The following KCNQ2 variants were observed in gnomAD, a reference collection of about 807,000 sequenced individuals.
KCNQ2 encodes the protein potassium voltage-gated channel subfamily Q member 2.
Under a neutral mutation model 84.8 loss-of-function variants are expected in KCNQ2, and 14 were observed. The observed-to-expected ratio is 0.17, with a 90% CI of 0.11 to 0.26. KCNQ2 has a LOEUF of 0.26. Among genes scored for constraint, KCNQ2 ranks in the 10% least tolerant of loss-of-function variants. The pLI is 1.00. For missense variants in KCNQ2, 788 were observed against 1,254.0 expected, an observed-to-expected ratio of 0.63 and a Z score of 5.61; for synonymous variants, 599 against 554.1, an observed-to-expected ratio of 1.08 and a Z score of -1.14.
chr20:63,407,066 C>A lies in KCNQ2; in HGVS notation c.2197G>T (p.Val733Leu). The A allele has an allele frequency of 6.6e-7, 1 of 1,524,170 alleles. No homozygotes were observed. Among genetic ancestry groups the A allele is most frequent in the Non-Finnish European group, 8.8e-7 (1 of 1,137,634 alleles). 94.4% of individuals were successfully genotyped at this position (1,524,170 alleles called of 1,614,324 possible). ...HPRQGHGTSP[V>L]GDHGSLVRIP... The stretch of plus-strand genomic sequence containing the variant: ...CGCACCAGGGAGCCGTGGTCCCCCA[C>A]GGGGGAGGTGCCGTGGCCCTGGCGC... The change falls in exon 17 of 17, where the codon GTG becomes TTG. Residue 733 changes from valine (V) to leucine (L), a missense_variant. Physicochemically the swap from Val to Leu is conservative, Grantham distance 32 (BLOSUM62 1). Coordinates refer to ENST00000359125, the MANE Select transcript of KCNQ2 (RefSeq NM_172107.4). This position sits in a 1 kb window ranked among gnomAD's most constrained non-coding sequence, Gnocchi z 7.2.
intron 5 of KCNQ2, among the ~76,000 whole-genome samples, chr20:63,440,095 G>A (rs963350381): frequency 2.6e-5 from 4 of 152,216 alleles, no homozygotes; most frequent in African/African-American, 9.6e-5. Context: ...AGGGCGTGCA[G>A]GGGGCTCGCT....
intron 4 of KCNQ2, among the ~76,000 whole-genome samples, chr20:63,443,153 CCGG>C (rs1411834769): frequency 0.015 from 1,279 of 87,012 alleles, 44 homozygotes; most frequent in Admixed American, 0.021. Context: ...ACCACCATCA[CCGG>C]CGCCACCACC....
At chr20:63,453,875 G>A (rs763366307) in intron 1 of KCNQ2, among the ~76,000 whole-genome samples, 6 of 152,028 alleles carry the variant, frequency 3.9e-5, no homozygotes, top group Admixed American at 1.3e-4. Flanking sequence ...AGAACAGGGC[G>A]GGGTGGGGAC....
At chr20:63,453,755 G>C (rs532048772) in intron 1 of KCNQ2, 3 of 152,412 alleles carry the variant, frequency 2.0e-5, no homozygotes, top group Admixed American at 1.3e-4. Flanking sequence ...TTGGCCACAG[G>C]GGGAGAAGGG....
intron 8 of KCNQ2, 47 bp downstream of exon 8, chr20:63,433,762 A>G (rs1469195550): frequency 6.2e-7 from 1 of 1,613,520 alleles, no homozygotes; most frequent in Non-Finnish European, 8.5e-7. Flanking sequence ...CAAATGGAAA[A>G]TAAAAAATGA....
In KCNQ2 at chr20:63,428,524, C is replaced by T. The variant is rs886343888; in HGVS notation, c.1149-89G>A. On this transcript the variant is annotated intron_variant, in intron 9 of 16. Transcript: ENST00000359125. Reference sequence around the variant, plus strand: ...CTGCTTGCACAGCTCCATGGGCAGGCGCCTGCAGTGTCAGACACCCGGCGG... The same window carrying T: ...CTGCTTGCACAGCTCCATGGGCAGGTGCCTGCAGTGTCAGACACCCGGCGG... The T allele has an allele frequency of 2.0e-5, 23 of 1,152,272 alleles. No homozygotes were observed. The African/African-American group carries it at 2.3e-4, about 12-fold the overall frequency. 71.4% of individuals were successfully genotyped at this position (1,152,272 alleles called of 1,614,324 possible).
In KCNQ2 at chr20:63,472,617, A is replaced by C. The variant is rs2082246154; in HGVS notation, c.-154T>G. On this transcript the variant is annotated 5_prime_UTR_variant, in exon 1 of 17. Transcript: ENST00000359125. ...TGCCGGGCTTGGGCCGCGCGCGGAG[A>C]CGCTGCGGCCACCTCGCTCCGCGCG... 1 of 454,466 alleles carries C rather than the reference A, an allele frequency of 2.2e-6. No homozygotes were observed. The highest frequency in any genetic ancestry group is 3.0e-6 in the Non-Finnish European group (1 of 336,564). The allele number at this position is 454,466 out of a possible 1,614,324, so 28.2% of individuals were successfully genotyped here.
At position 63,415,038 on chromosome 20, in the gene KCNQ2, T is replaced by A. The variant is rs2145556609; in HGVS notation, c.1390A>T (p.Arg464Trp). 6.2e-7 allele frequency: 1 copy of A among 1,609,248 alleles called. No individual in the cohort carries two copies. The highest frequency in any genetic ancestry group is 8.5e-7 in the Non-Finnish European group (1 of 1,179,896). ...CTCTGGTCGGCGCTGGGTGACCGCCTCACAGTCTGGGCCTGCGGGGACCCC... is the reference window on the plus strand; with the variant it reads ...CTCTGGTCGGCGCTGGGTGACCGCCACACAGTCTGGGCCTGCGGGGACCCC... Reference protein sequence around the residue: ...GKGSPQAQTVRRSPSADQSLE... With the variant: ...GKGSPQAQTVWRSPSADQSLE... The change falls in exon 13 of 17, where the codon AGG becomes TGG. Residue 464 changes from arginine to tryptophan, a missense_variant. Physicochemically the swap from Arg to Trp is moderately radical, Grantham distance 101 (BLOSUM62 -3). Transcript: ENST00000359125.
chr20:63,472,424 G>T lies in KCNQ2; in HGVS notation c.40C>A (p.Pro14Thr). 1 of 1,537,520 alleles carries T rather than the reference G, an allele frequency of 6.5e-7. No individual in the cohort carries two copies. The highest frequency in any genetic ancestry group is 2.1e-4 in the Middle Eastern group (1 of 4,860). The change falls in exon 1 of 17, where the codon CCG becomes ACG. Residue 14 changes from proline to threonine, a missense_variant. Physicochemically the swap from Pro to Thr is conservative, Grantham distance 38. This residue lies in a region of KCNQ2 where 41 missense variants were observed against 41.2 expected (regional missense o/e 0.99). Transcript: ENST00000359125. Reference sequence around the variant, plus strand: ...ACCTTCAGCTTCTTCTCCCCGCTCGGGCCGGGGTATACGCCGCCGTTGCGC... The same window carrying T: ...ACCTTCAGCTTCTTCTCCCCGCTCGTGCCGGGGTATACGCCGCCGTTGCGC... ...KSRNGGVYPG[P>T]SGEKKLKVGF...
At chr20:63,454,586 G>A (rs770351027) in intron 1 of KCNQ2, among the ~76,000 whole-genome samples, 3 of 152,248 alleles carry the variant, frequency 2.0e-5, no homozygotes, top group Non-Finnish European at 2.9e-5. Flanking sequence ...CCGGTCGGCC[G>A]AACCGTGGGG....
intron 11 of KCNQ2, among the ~76,000 whole-genome samples, chr20:63,420,901 T>C (rs4809554): frequency 0.55 from 83,417 of 151,982 alleles, 23,040 homozygotes; most frequent in East Asian, 0.59. Flanking sequence ...AACGCGACGG[T>C]GGGACGAGGC....
chr20:63,441,738 G>T (rs1002627462), intron 5 of KCNQ2, among the ~76,000 whole-genome samples: 1 of 152,204 alleles, frequency 6.6e-6, no homozygotes, highest in African/African-American at 2.4e-5. Context: ...CCCAAGCCCC[G>T]ACTGGGAAGA....
At chr20:63,452,949 T>C (rs2081658221) in intron 1 of KCNQ2, among the ~76,000 whole-genome samples, 1 of 152,026 alleles carries the variant, frequency 6.6e-6, no homozygotes, top group South Asian at 2.1e-4. Flanking sequence ...GGAAGAATAG[T>C]CCCTGCAGGC....
intron 9 of KCNQ2, among the ~76,000 whole-genome samples, chr20:63,429,435 C>T (rs1257908922): frequency 6.6e-6 from 1 of 152,116 alleles, no homozygotes; most frequent in African/African-American, 2.4e-5. Flanking sequence ...GGAGGCAGGA[C>T]GGCCACCTCC....
At position 63,405,416 on chromosome 20, in the gene KCNQ2, G is replaced by A. The variant is rs556131184; in HGVS notation, c.*1228C>T. 6 of 152,504 alleles carry A rather than the reference G, an allele frequency of 3.9e-5. No individual in the cohort carries two copies. The highest frequency in any genetic ancestry group is 7.2e-5 in the African/African-American group (3 of 41,586). 9.4% of individuals were successfully genotyped at this position (152,504 alleles called of 1,614,324 possible). A position where few individuals can be genotyped will look rare whatever the true frequency, so the allele number is the denominator to read the frequency against. On this transcript the variant is annotated 3_prime_UTR_variant, in exon 17 of 17. Coordinates refer to ENST00000359125, the MANE Select transcript of KCNQ2 (RefSeq NM_172107.4). ...AGGACGGGCATGGGACGGTGCACCC[G>A]AGGCCCGAGACCCCAAGAGGCCCCG...
intron 11 of KCNQ2, among the ~76,000 whole-genome samples, chr20:63,420,008 C>G (rs370738826): frequency 6.6e-6 from 1 of 152,226 alleles, no homozygotes; most frequent in Non-Finnish European, 1.5e-5. Context: ...TGGCCTCAGA[C>G]GCCGCAGAAG....
chr20:63,406,473 G>T lies in KCNQ2; in HGVS notation c.*171C>A, dbSNP rs1031145773. On this transcript the variant is annotated 3_prime_UTR_variant, in exon 17 of 17. Coordinates refer to ENST00000359125, the MANE Select transcript of KCNQ2 (RefSeq NM_172107.4). ...CTGTTGGAAAATAACTTTTGTAAAAGGTCACTGCCAGGAGCCCCCATCCTT... is the reference window on the plus strand; with the variant it reads ...CTGTTGGAAAATAACTTTTGTAAAATGTCACTGCCAGGAGCCCCCATCCTT... The T allele has an allele frequency of 1.3e-6, 1 of 783,798 alleles. No homozygotes were observed. The highest frequency in any genetic ancestry group is 2.0e-6 in the Non-Finnish European group (1 of 507,524). The allele number at this position is 783,798 out of a possible 1,614,324, so 48.6% of individuals were successfully genotyped here. A position where few individuals can be genotyped will look rare whatever the true frequency, so the allele number is the denominator to read the frequency against.
At chr20:63,471,184 AT>A (rs2082205018) in intron 1 of KCNQ2, 1 of 152,292 alleles carries the variant, frequency 6.6e-6, no homozygotes, top group African/African-American at 2.4e-5. Context: ...CTCACACAAA[AT>A]GGCCGGTCCC....
At chr20:63,451,100 T>C (rs948555705) in intron 1 of KCNQ2, among the ~76,000 whole-genome samples, 2 of 147,038 alleles carry the variant, frequency 1.4e-5, no homozygotes, top group Non-Finnish European at 3.0e-5. Flanking sequence ...ACCATGCCAC[T>C]GCACTCCAGC....
Sources: allele counts gnomAD v4.1 joint callset (sites outside exome capture counted in the v4.1 genomes callset), GRCh38; gene constraint gnomAD v4.1.1; regional missense constraint gnomAD v4.1.1; non-coding constraint Gnocchi (gnomAD v3.1); transcripts MANE v1.5; gene names NCBI Gene and HGNC (gene_info 2026-07-23, HGNC 2026-07-21).